The following STXBP5L variants were observed in gnomAD, a reference collection of about 807,000 sequenced individuals.
STXBP5L encodes syntaxin binding protein 5L.
In STXBP5L, 65 loss-of-function variants were observed where a neutral mutation model predicts 144.5. The ratio of observed to expected loss-of-function variants is 0.45; its 90% CI spans 0.37 to 0.55. STXBP5L has a LOEUF of 0.55. Ranked by LOEUF, STXBP5L falls within the 20% of genes least tolerant of loss-of-function variation. The pLI is 0.00. For synonymous variants in STXBP5L, 505 were observed against 469.6 expected (o/e 1.08, Z -0.97); for missense variants, 1,298 against 1,405.5 (o/e 0.92, Z 1.22).
intron 19 of STXBP5L, among the ~76,000 whole-genome samples, chr3:121,312,342 T>C (rs2043561286): frequency 7.3e-6 from 1 of 136,226 alleles, no homozygotes; most frequent in African/African-American, 2.8e-5. Flanking sequence ...AATTGACAAA[T>C]GGGATCTAAG....
chr3:121,003,723 T>A (rs1183388469), intron 3 of STXBP5L, among the ~76,000 whole-genome samples: 2 of 152,174 alleles, frequency 1.3e-5, no homozygotes, highest in South Asian at 2.1e-4. Context: ...TTGAATTAAT[T>A]TTTGTATAAG....
intron 18 of STXBP5L, among the ~76,000 whole-genome samples, chr3:121,271,207 A>G (rs1396339682): frequency 4.6e-5 from 7 of 152,212 alleles, no homozygotes; most frequent in Non-Finnish European, 1.0e-4. Flanking sequence ...CTTGTTTACT[A>G]TATAAGTATG....
intron 3 of STXBP5L, among the ~76,000 whole-genome samples, chr3:120,975,680 T>G (rs1472398174): frequency 6.6e-6 from 1 of 152,148 alleles, no homozygotes; most frequent in African/African-American, 2.4e-5. Context: ...GGCTGTAGGT[T>G]TGTCATAGAT....
At position 121,302,076 on chromosome 3, in the gene STXBP5L, G is replaced by A. The variant is rs181935278; in HGVS notation, c.2111-16399G>A. 9.2e-4 allele frequency among the ~76,000 whole-genome samples: 140 copies of A among 152,240 alleles called. 1 individual carries two copies. Among genetic ancestry groups the A allele is most frequent in the African/African-American group, 3.2e-3 (131 of 41,540 alleles). Reference sequence around the variant, plus strand: ...CTGGCCGCATAAAATGAGTTAGGGAGGATTCCCTCTTTTTCTATTGATTGG... The same window carrying A: ...CTGGCCGCATAAAATGAGTTAGGGAAGATTCCCTCTTTTTCTATTGATTGG... On this transcript the variant is annotated intron_variant, in intron 19 of 26. Coordinates refer to ENST00000471454, the MANE Select transcript of STXBP5L (RefSeq NM_001308330.2).
At chr3:121,006,098 G>C (rs1466019735) in intron 3 of STXBP5L, among the ~76,000 whole-genome samples, 1 of 152,058 alleles carries the variant, frequency 6.6e-6, no homozygotes, top group Non-Finnish European at 1.5e-5. Context: ...TTCAATTCCT[G>C]GGTATCCTTG....
At chr3:121,258,459 A>C (rs1383900923) in intron 17 of STXBP5L, among the ~76,000 whole-genome samples, 1 of 152,216 alleles carries the variant, frequency 6.6e-6, no homozygotes, top group African/African-American at 2.4e-5. Context: ...TTTGATGTAC[A>C]TAAAAAGAAG....
At chr3:121,408,701 G>A (rs898132710) in intron 23 of STXBP5L, among the ~76,000 whole-genome samples, 2 of 151,914 alleles carry the variant, frequency 1.3e-5, no homozygotes, top group Non-Finnish European at 2.9e-5. Context: ...GTTTTAAGCA[G>A]GTAATTAACC....
At chr3:120,972,415 T>C (rs1246271238) in intron 3 of STXBP5L, among the ~76,000 whole-genome samples, 1 of 152,126 alleles carries the variant, frequency 6.6e-6, no homozygotes, top group Non-Finnish European at 1.5e-5. Flanking sequence ...TATACAATGA[T>C]TTTTATATTC....
At chr3:121,302,926 C>G (rs1327216836) in intron 19 of STXBP5L, among the ~76,000 whole-genome samples, 1 of 152,128 alleles carries the variant, frequency 6.6e-6, no homozygotes, top group South Asian at 2.1e-4. Context: ...ACCATAAAAA[C>G]CCTAGAAGAA....
intron 3 of STXBP5L, among the ~76,000 whole-genome samples, chr3:121,011,887 A>G (rs572461841): frequency 1.3e-5 from 2 of 151,990 alleles, no homozygotes; most frequent in Admixed American, 6.6e-5. Context: ...GGGTTGTGCA[A>G]TAATTACTAC....
At chr3:121,033,768 A>G (rs1411736389) in intron 3 of STXBP5L, among the ~76,000 whole-genome samples, 1 of 151,858 alleles carries the variant, frequency 6.6e-6, no homozygotes, top group Non-Finnish European at 1.5e-5. Flanking sequence ...ATAGTGTTTT[A>G]TATAAAATTA....
chr3:121,357,270 TC>T, intron 20 of STXBP5L: 1 of 207,166 alleles, frequency 4.8e-6, no homozygotes, highest in South Asian at 1.1e-4. Context: ...TGTGAAGTGG[TC>T]CCTCCTAGAG....
chr3:121,277,068 C>T lies in STXBP5L; in HGVS notation c.1959-2737C>T, dbSNP rs534118888. 2.0e-5 allele frequency among the ~76,000 whole-genome samples: 3 copies of T among 151,950 alleles called. No individual in the cohort carries two copies. In the South Asian group the frequency reaches 6.2e-4, roughly 31 times the overall value. Reference sequence around the variant, plus strand: ...CTGTCTTAGTCTGGGATGTTGTAAACAAATATACTATAAATTGGGTAGCTT... The same window carrying T: ...CTGTCTTAGTCTGGGATGTTGTAAATAAATATACTATAAATTGGGTAGCTT... On this transcript the variant is annotated intron_variant, in intron 18 of 26. Transcript: ENST00000471454.
chr3:120,988,203 T>G (rs1180150315), intron 3 of STXBP5L, among the ~76,000 whole-genome samples: 1 of 151,720 alleles, frequency 6.6e-6, no homozygotes, highest in African/African-American at 2.4e-5. Context: ...GAACTTAGAT[T>G]ATTGGTACTC....
intron 15 of STXBP5L, among the ~76,000 whole-genome samples, chr3:121,253,374 T>TCA (rs1443569242): frequency 2.0e-5 from 3 of 151,932 alleles, no homozygotes; most frequent in Non-Finnish European, 2.9e-5. Flanking sequence ...CATTTTTCTC[T>TCA]CACACACATA....
At chr3:121,200,383 A>G (rs1306962559) in intron 9 of STXBP5L, among the ~76,000 whole-genome samples, 1 of 151,846 alleles carries the variant, frequency 6.6e-6, no homozygotes, top group Non-Finnish European at 1.5e-5. Flanking sequence ...TTTCTTCTTC[A>G]TTAGTCTAGC....
At chr3:121,102,317 T>C (rs1056063013) in intron 5 of STXBP5L, among the ~76,000 whole-genome samples, 1 of 151,908 alleles carries the variant, frequency 6.6e-6, no homozygotes, top group Non-Finnish European at 1.5e-5. Context: ...ACTATACTAC[T>C]GTAAGTGTAC....
At chr3:121,278,252 C>T (rs2050945395) in intron 18 of STXBP5L, among the ~76,000 whole-genome samples, 1 of 151,882 alleles carries the variant, frequency 6.6e-6, no homozygotes, top group African/African-American at 2.4e-5. Context: ...TGCCTGTTGA[C>T]CAATATGTGA....
At chr3:120,933,652 G>A (rs1435748724) in intron 2 of STXBP5L, among the ~76,000 whole-genome samples, 1 of 152,108 alleles carries the variant, frequency 6.6e-6, no homozygotes, top group Non-Finnish European at 1.5e-5. Flanking sequence ...GTCACAGAAG[G>A]AATCTGTCTA....
Sources: allele counts gnomAD v4.1 joint callset (sites outside exome capture counted in the v4.1 genomes callset), GRCh38; gene constraint gnomAD v4.1.1; transcripts MANE v1.5; gene names NCBI Gene and HGNC (gene_info 2026-07-23, HGNC 2026-07-21).